ADGRB1: variants seen among roughly 807,000 people sequenced by gnomAD.
ADGRB1 encodes brain-specific angiogenesis inhibitor 1.
A neutral mutation model predicts 175.7 loss-of-function variants in ADGRB1; 36 were observed. That is an observed-to-expected ratio of 0.20 (90% CI 0.16 to 0.27). The LOEUF (loss-of-function observed/expected upper bound fraction) is 0.27, where lower values mean the gene tolerates loss of function less well. ADGRB1 is among the 10% of genes least tolerant of loss of function. The pLI is 1.00. For synonymous variants in ADGRB1, 1,054 were observed against 979.4 expected, an observed-to-expected ratio of 1.08 and a Z score of -1.42; for missense variants, 1,731 against 2,255.3, an observed-to-expected ratio of 0.77 and a Z score of 4.71.
At chr8:142,484,973 G>T (rs920536265) in intron 13 of ADGRB1, among the ~76,000 whole-genome samples, 2 of 152,208 alleles carry the variant, frequency 1.3e-5, no homozygotes, top group Admixed American at 6.5e-5. Context: ...AGCCCACGGG[G>T]TGTGGACCTG....
chr8:142,464,375 C>A lies in ADGRB1; in HGVS notation c.177C>A (p.Ala59=), dbSNP rs926888401. 22 of 1,524,200 alleles carry A rather than the reference C, an allele frequency of 1.4e-5. No individual in the cohort carries two copies. Among genetic ancestry groups the A allele is most frequent in the Non-Finnish European group, 1.9e-5 (22 of 1,139,836 alleles). 94.4% of individuals were successfully genotyped at this position (1,524,200 alleles called of 1,614,324 possible). A position where few individuals can be genotyped will look rare whatever the true frequency, so the allele number is the denominator to read the frequency against. Residue 59 remains alanine (A), a synonymous_variant, in exon 2 of 31, where the codon GCC becomes GCA. Coordinates refer to ENST00000517894, the MANE Select transcript of ADGRB1 (RefSeq NM_001702.3). ...TCTTCGGCTACTTCTCCGCGGCCGC[C>A]GTGTTCCCGGCCAACGCCTCGCGCT... ...GKFFGYFSAA[A]VFPANASRCS... is the part of the protein sequence containing the mutation.
At chr8:142,538,590 G>C (rs534851558) in intron 26 of ADGRB1, among the ~76,000 whole-genome samples, 1 of 152,324 alleles carries the variant, frequency 6.6e-6, no homozygotes, top group South Asian at 2.1e-4. Flanking sequence ...CAGGTTTTCA[G>C]TGAAGGGTGG....
rs529291619 is a variant in ADGRB1 at position 142,477,485 on chromosome 8, T to A, written c.1323T>A (p.Phe441Leu). Reference protein sequence around the residue: ...DRTRTCRPPQFGGNPCEGPEK... With the variant: ...DRTRTCRPPQLGGNPCEGPEK... Reference sequence around the variant, plus strand: ...CGCGCACCTGCAGGCCCCCCCAGTTTGGGGGCAACCCCTGTGAGGGCCCTG... The same window carrying A: ...CGCGCACCTGCAGGCCCCCCCAGTTAGGGGGCAACCCCTGTGAGGGCCCTG... Residue 441 changes from phenylalanine (F) to leucine (L), a missense_variant, in exon 6 of 31, where the codon TTT (phenylalanine) becomes TTA (leucine). Coordinates refer to ENST00000517894, the MANE Select transcript of ADGRB1 (RefSeq NM_001702.3). The A allele has an allele frequency of 6.2e-7, 1 of 1,612,948 alleles. No individual in the cohort carries two copies. The highest frequency in any genetic ancestry group is 8.5e-7 in the Non-Finnish European group (1 of 1,179,812).
chr8:142,476,198 T>G (rs1840963858), intron 3 of ADGRB1, among the ~76,000 whole-genome samples: 1 of 152,198 alleles, frequency 6.6e-6, no homozygotes, highest in Non-Finnish European at 1.5e-5. Context: ...TTTGGGCTGT[T>G]TTTTCCTTGG....
At chr8:142,507,807 G>A (rs1459205583) in intron 17 of ADGRB1, among the ~76,000 whole-genome samples, 1 of 152,200 alleles carries the variant, frequency 6.6e-6, no homozygotes, top group Non-Finnish European at 1.5e-5. Flanking sequence ...GAGAAGCAGA[G>A]CTGTGACTGG....
At chr8:142,502,120 T>C (rs1445626325) in intron 17 of ADGRB1, among the ~76,000 whole-genome samples, 1 of 99,658 alleles carries the variant, frequency 1.0e-5, no homozygotes, top group Non-Finnish European at 2.1e-5. Context: ...GGAGGTGAGG[T>C]GGTGGGGGTG....
chr8:142,495,817 T>C (rs939826549), intron 17 of ADGRB1, among the ~76,000 whole-genome samples: 7 of 151,964 alleles, frequency 4.6e-5, no homozygotes, highest in Non-Finnish European at 8.8e-5. Flanking sequence ...AATAAAATCA[T>C]ATTCGTAGGT....
chr8:142,476,506 A>G lies in ADGRB1; in HGVS notation c.947-79A>G, dbSNP rs188821331. ...GGAGCCAGGTGGCCCAGTGCTGCCG[A>G]ACTCAGAGCACTGTGGCCACAGAGA... On this transcript the variant is annotated intron_variant, in intron 3 of 30. Transcript: ENST00000517894. The G allele has an allele frequency of 2.0e-3, 2,704 of 1,355,214 alleles. 53 individuals carry two copies. In the African/African-American group the frequency reaches 0.035, roughly 17 times the overall value. 83.9% of individuals were successfully genotyped at this position (1,355,214 alleles called of 1,614,324 possible).
At chr8:142,488,312 A>G (rs1210229945) in intron 13 of ADGRB1, 52 bp from the exon 14 acceptor site, 2 of 1,606,086 alleles carry the variant, frequency 1.2e-6, no homozygotes, top group East Asian at 2.2e-5. Context: ...GCCCCGCCAC[A>G]TCTGTGACTT....
At chr8:142,534,328 G>A (rs1228901825) in intron 25 of ADGRB1, among the ~76,000 whole-genome samples, 1 of 152,218 alleles carries the variant, frequency 6.6e-6, no homozygotes, top group Non-Finnish European at 1.5e-5. Context: ...TCCCAGCCTG[G>A]AAGGGCAGGG....
intron 1 of ADGRB1, among the ~76,000 whole-genome samples, chr8:142,453,804 C>T (rs1014997476): frequency 3.3e-5 from 5 of 152,200 alleles, no homozygotes; most frequent in Non-Finnish European, 4.4e-5. Context: ...AGAAGGCAAC[C>T]TACAGAGGCC....
rs887438978 is a variant in ADGRB1, at chr8:142,511,933, A to C, written c.2817+860A>C. ...GGGGTGGAGGATGCACTTGGAGGGG[A>C]CCTGTCCTTCCTGGGTGTTGGAGGT... On this transcript the variant is annotated intron_variant, in intron 18 of 30. Coordinates refer to ENST00000517894, the MANE Select transcript of ADGRB1 (RefSeq NM_001702.3). This position sits in a 1 kb window ranked among gnomAD's most constrained non-coding sequence, Gnocchi z 4.5. 5.8e-4 allele frequency among the ~76,000 whole-genome samples: 89 copies of C among 152,246 alleles called. No homozygotes were observed. Among genetic ancestry groups the C allele is most frequent in the Admixed American group, 2.0e-3 (30 of 15,296 alleles).
chr8:142,473,794 G>A (rs1302981201), intron 2 of ADGRB1, among the ~76,000 whole-genome samples: 1 of 152,198 alleles, frequency 6.6e-6, no homozygotes, highest in Non-Finnish European at 1.5e-5. Context: ...AGAAAATGAG[G>A]CCTCCCACAG....
intron 19 of ADGRB1, 86 bp from the exon 20 acceptor site, chr8:142,520,737 C>A: frequency 1.7e-6 from 2 of 1,178,646 alleles, no homozygotes; most frequent in Non-Finnish European, 2.5e-6. Context: ...TGGGGTGGGG[C>A]TCTGGTCTTG....
rs950394189 is a variant in ADGRB1, at chr8:142,493,403, G to A, written c.2675+2588G>A. ...CAAGTCCCCAGGGTGTTTGGCGTCC[G>A]CGTGGCCTCTGTCGACCCTAAAAGT... On this transcript the variant is annotated intron_variant, in intron 17 of 30. Transcript: ENST00000517894. This position sits in a 1 kb window ranked among gnomAD's most constrained non-coding sequence, Gnocchi z 5.0. Among the ~76,000 whole-genome samples, 3 of 152,226 alleles carry A rather than the reference G, an allele frequency of 2.0e-5. No homozygotes were observed. The highest frequency in any genetic ancestry group is 3.9e-4 in the East Asian group (2 of 5,130).
chr8:142,516,626 A>C (rs1404339049), intron 18 of ADGRB1, among the ~76,000 whole-genome samples: 1 of 81,832 alleles, frequency 1.2e-5, no homozygotes, highest in East Asian at 4.1e-4. Flanking sequence ...GTGTGTGTGC[A>C]TGTGTGCGGG....
chr8:142,475,435 C>T, intron 2 of ADGRB1, 39 bp from the exon 3 acceptor site: 1 of 1,270,326 alleles, frequency 7.9e-7, no homozygotes, highest in Non-Finnish European at 9.9e-7. Flanking sequence ...CCACGAGCCC[C>T]TGCCCTGCCC....
At chr8:142,536,632 G>A (rs1159268165) in intron 25 of ADGRB1, among the ~76,000 whole-genome samples, 5 of 152,154 alleles carry the variant, frequency 3.3e-5, no homozygotes, top group African/African-American at 1.2e-4. Context: ...TGAGGCTGCT[G>A]GAGATGCAGG....
intron 18 of ADGRB1, among the ~76,000 whole-genome samples, chr8:142,512,772 C>T (rs555042075): frequency 5.9e-5 from 9 of 152,328 alleles, no homozygotes; most frequent in Admixed American, 3.9e-4. Context: ...GGCATACCAG[C>T]CAGTCACCAG....
Sources: gnomAD v4.1 joint callset for allele counts (sites outside exome capture counted in the v4.1 genomes callset) on GRCh38, gnomAD v4.1.1 for gene constraint, Gnocchi (gnomAD v3.1) non-coding constraint, MANE v1.5 for transcripts, NCBI Gene and HGNC (gene_info 2026-07-23, HGNC 2026-07-21) for gene names.